CDKAL1: variants seen among roughly 807,000 people sequenced by gnomAD.
CDKAL1 encodes threonylcarbamoyladenosine tRNA methylthiotransferase.
CDKAL1 carries 32 observed loss-of-function variants against 68.2 expected under a neutral mutation model. The ratio of observed to expected loss-of-function variants is 0.47; its 90% CI spans 0.35 to 0.63. The LOEUF is 0.63. Ranked by LOEUF, CDKAL1 falls within the 30% of genes least tolerant of loss-of-function variation. CDKAL1 has a pLI of 0.00. For missense variants in CDKAL1, 606 were observed against 696.7 expected (o/e 0.87, Z 1.47); for synonymous variants, 234 against 244.3 (o/e 0.96, Z 0.39).
At chr6:20,959,806 G>T (rs1185562739) in intron 10 of CDKAL1, among the ~76,000 whole-genome samples, 6 of 152,006 alleles carry the variant, frequency 3.9e-5, no homozygotes, top group African/African-American at 7.2e-5. Flanking sequence ...TGTAGAAAGT[G>T]AAGCGGTTTA....
At chr6:21,010,621 C>G (rs1056554290) in intron 11 of CDKAL1, among the ~76,000 whole-genome samples, 2 of 152,106 alleles carry the variant, frequency 1.3e-5, no homozygotes, top group African/African-American at 4.8e-5. Context: ...TACTGAAAAT[C>G]AGGAAGAAAT....
At chr6:20,918,402 A>T (rs1389528793) in intron 9 of CDKAL1, among the ~76,000 whole-genome samples, 1 of 152,228 alleles carries the variant, frequency 6.6e-6, no homozygotes, top group East Asian at 1.9e-4. Flanking sequence ...GGTTATTTTT[A>T]AAAAAGAAAA....
chr6:21,166,004 T>A (rs1174311612), intron 13 of CDKAL1, among the ~76,000 whole-genome samples: 2 of 152,206 alleles, frequency 1.3e-5, no homozygotes, highest in African/African-American at 4.8e-5. Context: ...CTAACCATTC[T>A]ATGCTGTAGT....
chr6:20,635,683 C>T (rs545037922), intron 4 of CDKAL1, among the ~76,000 whole-genome samples: 1 of 152,280 alleles, frequency 6.6e-6, no homozygotes, highest in African/African-American at 2.4e-5. Context: ...TAGTGGGTCT[C>T]CCCAGCCCTT....
intron 5 of CDKAL1, among the ~76,000 whole-genome samples, chr6:20,733,772 T>C (rs1159367775): frequency 1.3e-5 from 2 of 152,242 alleles, no homozygotes; most frequent in Non-Finnish European, 2.9e-5. Flanking sequence ...TTGCCTCTTC[T>C]TAAATCTTAA....
intron 9 of CDKAL1, among the ~76,000 whole-genome samples, chr6:20,868,289 C>T (rs1760014874): frequency 6.6e-6 from 1 of 152,130 alleles, no homozygotes. Context: ...TTAGTTGATC[C>T]AGACTCCATT....
intron 13 of CDKAL1, among the ~76,000 whole-genome samples, chr6:21,134,061 C>T (rs1010367852): frequency 3.9e-5 from 6 of 152,022 alleles, no homozygotes; most frequent in Admixed American, 3.9e-4. Context: ...TTGCCGGGGT[C>T]GTGGGGGCGT....
At chr6:20,748,944 CATGTATGTGTATATATATATGTAT>C (rs1432425804) in intron 6 of CDKAL1, among the ~76,000 whole-genome samples, 1 of 138,036 alleles carries the variant, frequency 7.2e-6, no homozygotes, top group East Asian at 1.9e-4. Context: ...AAGTACTTTG[CATGTATGTGTATATATATATGTAT>C]ATGTATGTGT....
At chr6:20,676,698 T>TACATA (rs1770125764) in intron 5 of CDKAL1, among the ~76,000 whole-genome samples, 1 of 80,752 alleles carries the variant, frequency 1.2e-5, no homozygotes, top group African/African-American at 6.9e-5. Flanking sequence ...AATAAATAAA[T>TACATA]AAATAAAATA....
At chr6:20,910,176 G>T (rs1005407000) in intron 9 of CDKAL1, among the ~76,000 whole-genome samples, 5 of 152,148 alleles carry the variant, frequency 3.3e-5, no homozygotes, top group Non-Finnish European at 7.4e-5. Flanking sequence ...TTGAGCTACT[G>T]GTTAAACATA....
chr6:20,909,312 G>A (rs1762366618), intron 9 of CDKAL1, among the ~76,000 whole-genome samples: 1 of 151,994 alleles, frequency 6.6e-6, no homozygotes, highest in Non-Finnish European at 1.5e-5. Context: ...GAAGAAAATT[G>A]GGATTAGGGA....
At chr6:20,664,868 G>A (rs537374934) in intron 5 of CDKAL1, among the ~76,000 whole-genome samples, 31 of 152,136 alleles carry the variant, frequency 2.0e-4, no homozygotes, top group African/African-American at 7.5e-4. Flanking sequence ...GTGGCTTGAG[G>A]GGTATACAGC....
At chr6:21,033,621 A>G (rs1769413506) in intron 11 of CDKAL1, among the ~76,000 whole-genome samples, 1 of 152,160 alleles carries the variant, frequency 6.6e-6, no homozygotes, top group Non-Finnish European at 1.5e-5. Context: ...AAGTGTTGCA[A>G]GAGAAGGCCT....
At chr6:20,947,729 A>G (rs1764319303) in intron 9 of CDKAL1, among the ~76,000 whole-genome samples, 1 of 152,222 alleles carries the variant, frequency 6.6e-6, no homozygotes, top group Non-Finnish European at 1.5e-5. Flanking sequence ...AGTTGGGCAA[A>G]ATCATCTAAT....
chr6:20,595,802 G>T (rs559115658), intron 4 of CDKAL1, among the ~76,000 whole-genome samples: 1 of 152,194 alleles, frequency 6.6e-6, no homozygotes, highest in African/African-American at 2.4e-5. Flanking sequence ...CCTCATCTTC[G>T]TGGATTCATC....
chr6:20,923,422 CAT>C (rs1375864332), intron 9 of CDKAL1, among the ~76,000 whole-genome samples: 2 of 150,150 alleles, frequency 1.3e-5, no homozygotes, highest in African/African-American at 4.9e-5. Context: ...CAATATTTCA[CAT>C]GTTTTCACTA....
intron 6 of CDKAL1, chr6:20,756,775 C>T (rs1190506387): frequency 6.6e-6 from 1 of 151,530 alleles, no homozygotes; most frequent in African/African-American, 2.4e-5. Context: ...GATACTGAGA[C>T]CAAAGGAATA....
At chr6:20,602,415 AT>A (rs1766141942) in intron 4 of CDKAL1, among the ~76,000 whole-genome samples, 1 of 152,048 alleles carries the variant, frequency 6.6e-6, no homozygotes, top group Admixed American at 6.6e-5. Context: ...CTCACCCCAG[AT>A]TTCAAGGGAT....
intron 5 of CDKAL1, among the ~76,000 whole-genome samples, chr6:20,724,149 G>A (rs538845643): frequency 1.3e-5 from 2 of 152,176 alleles, no homozygotes; most frequent in South Asian, 2.1e-4. Context: ...TGTTGGCCAG[G>A]CTGGTCTCGA....
Sources: allele counts gnomAD v4.1 joint callset (sites outside exome capture counted in the v4.1 genomes callset), GRCh38; gene constraint gnomAD v4.1.1; transcripts MANE v1.5; gene names NCBI Gene and HGNC (gene_info 2026-07-23, HGNC 2026-07-21).